IL1RAPL1: variants seen among roughly 807,000 people sequenced by gnomAD.
IL1RAPL1 encodes interleukin-1 receptor accessory protein-like 1.
IL1RAPL1 carries 3 observed loss-of-function variants against 48.4 expected under a neutral mutation model. The observed-to-expected ratio is 0.06, with a 90% CI of 0.03 to 0.16. The LOEUF is 0.16. IL1RAPL1 is among the 10% of genes least tolerant of loss of function. The pLI, the probability that IL1RAPL1 is intolerant of heterozygous loss-of-function variation, is 1.00. For missense variants in IL1RAPL1, 349 were observed against 530.6 expected, an observed-to-expected ratio of 0.66 and a Z score of 3.36; for synonymous variants, 185 against 187.7, an observed-to-expected ratio of 0.99 and a Z score of 0.12.
chrX:29,107,425 A>G (rs1365030149), intron 2 of IL1RAPL1, among the ~76,000 whole-genome samples: 2 of 112,310 alleles, frequency 1.8e-5, no homozygotes, highest in African/African-American at 3.2e-5. Context: ...TGATATCTGC[A>G]TTGAAAACAC....
intron 2 of IL1RAPL1, among the ~76,000 whole-genome samples, chrX:29,016,429 AAATT>A (rs1926241951): frequency 8.9e-6 from 1 of 111,741 alleles, no homozygotes; most frequent in Non-Finnish European, 1.9e-5. Flanking sequence ...AAAATATCAT[AAATT>A]AATATATATA....
At chrX:28,791,404 T>TA (rs1326126319) in intron 2 of IL1RAPL1, among the ~76,000 whole-genome samples, 1 of 111,875 alleles carries the variant, frequency 8.9e-6, no homozygotes, top group African/African-American at 3.3e-5. Context: ...GTCATTGTTG[T>TA]AAAAATTTTC....
chrX:29,333,398 G>A (rs1410138384), intron 3 of IL1RAPL1, among the ~76,000 whole-genome samples: 1 of 102,464 alleles, frequency 9.8e-6, no homozygotes, highest in African/African-American at 3.5e-5. Context: ...GGCTGGCCGG[G>A]CGGGGGGCTG....
chrX:28,656,748 C>T (rs1374074488), intron 1 of IL1RAPL1, among the ~76,000 whole-genome samples: 1 of 111,726 alleles, frequency 9.0e-6, no homozygotes, highest in Non-Finnish European at 1.9e-5. Flanking sequence ...ATTTTACGGC[C>T]GGGCGTGGTG....
intron 2 of IL1RAPL1, among the ~76,000 whole-genome samples, chrX:28,800,847 TTTTATTTATTTATTTATTTATTTA>T (rs201705177): frequency 1.1e-5 from 1 of 93,711 alleles, no homozygotes; most frequent in African/African-American, 4.0e-5. Flanking sequence ...ATTAAAGGGA[TTTTATTTATTTATTTATTTATTTA>T]TTTATTTATT....
At chrX:28,905,631 A>T (rs1451070749) in intron 2 of IL1RAPL1, among the ~76,000 whole-genome samples, 1 of 112,241 alleles carries the variant, frequency 8.9e-6, no homozygotes, top group East Asian at 2.8e-4. Context: ...CTACTAAAAT[A>T]TGTTGTTATA....
chrX:29,061,393 T>C (rs1399403841), intron 2 of IL1RAPL1, among the ~76,000 whole-genome samples: 1 of 112,105 alleles, frequency 8.9e-6, no homozygotes, highest in Non-Finnish European at 1.9e-5. Context: ...TTACAAGTCA[T>C]ATAGTGAAGG....
chrX:29,242,788 C>T lies in IL1RAPL1; in HGVS notation c.83-40150C>T, dbSNP rs1252506370. ...ATAATTTTCACCCCAGTCATTAAGC[C>T]AAGTCATATTTTTCCATTTTAGAAA... On this transcript the variant is annotated intron_variant, in intron 2 of 10. Transcript: ENST00000378993. Among the ~76,000 whole-genome samples, 11 of 112,051 alleles carry T rather than the reference C, an allele frequency of 9.8e-5. No homozygotes were observed. In the East Asian group the frequency reaches 3.1e-3, roughly 31 times the overall value.
chrX:29,174,021 A>C (rs529251800), intron 2 of IL1RAPL1, among the ~76,000 whole-genome samples: 3 of 110,372 alleles, frequency 2.7e-5, no homozygotes, highest in African/African-American at 9.9e-5. Context: ...CCTGGGTTCA[A>C]GGGATTCTCC....
At chrX:29,303,615 A>G (rs768282247) in intron 3 of IL1RAPL1, among the ~76,000 whole-genome samples, 1 of 111,954 alleles carries the variant, frequency 8.9e-6, no homozygotes, top group Non-Finnish European at 1.9e-5. Context: ...GGAAGTAAAC[A>G]TGAAAGAAGC....
intron 5 of IL1RAPL1, among the ~76,000 whole-genome samples, chrX:29,422,090 A>G (rs1934297560): frequency 9.0e-6 from 1 of 111,266 alleles, no homozygotes; most frequent in African/African-American, 3.3e-5. Flanking sequence ...GAGTGGAGAG[A>G]AGAGGAATTT....
chrX:29,353,575 G>A (rs1933262563), intron 3 of IL1RAPL1, among the ~76,000 whole-genome samples: 1 of 110,964 alleles, frequency 9.0e-6, no homozygotes, highest in Non-Finnish European at 1.9e-5. Context: ...AGAAACAATA[G>A]GGAAACAGGA....
rs182139151 is a variant in IL1RAPL1, at chrX:29,896,725, A to G, written c.779-20739A>G. On this transcript the variant is annotated intron_variant, in intron 6 of 10. Coordinates refer to ENST00000378993, the MANE Select transcript of IL1RAPL1 (RefSeq NM_014271.4). ...ACCACGGCAGTAAGAATGAGCACAC[A>G]TACCTCTGGCCCAGAAATCAGACAC... 2.7e-3 allele frequency among the ~76,000 whole-genome samples: 299 copies of G among 112,347 alleles called. 3 individuals carry two copies. Among genetic ancestry groups the G allele is most frequent in the African/African-American group, 9.5e-3 (292 of 30,899 alleles).
At chrX:29,751,568 C>A (rs893700614) in intron 6 of IL1RAPL1, among the ~76,000 whole-genome samples, 2 of 111,028 alleles carry the variant, frequency 1.8e-5, no homozygotes, top group Admixed American at 1.9e-4. Flanking sequence ...AAATATAATA[C>A]GTGTTCTCAA....
At chrX:29,499,703 C>T (rs1935252068) in intron 5 of IL1RAPL1, among the ~76,000 whole-genome samples, 2 of 111,688 alleles carry the variant, frequency 1.8e-5, no homozygotes, top group Admixed American at 1.9e-4. Flanking sequence ...TTTCTGTTTG[C>T]TTCCTCAAAG....
chrX:29,181,140 G>A (rs778644394), intron 2 of IL1RAPL1, among the ~76,000 whole-genome samples: 4 of 111,683 alleles, frequency 3.6e-5, no homozygotes, highest in Non-Finnish European at 5.6e-5. Context: ...ACCTGGAGGA[G>A]TTTACCTGGC....
At chrX:29,454,061 A>G (rs190612467) in intron 5 of IL1RAPL1, among the ~76,000 whole-genome samples, 12 of 112,270 alleles carry the variant, frequency 1.1e-4, no homozygotes, top group Admixed American at 8.5e-4. Context: ...GATATCTTCA[A>G]TGGACTATCC....
intron 9 of IL1RAPL1, among the ~76,000 whole-genome samples, chrX:29,953,110 G>A (rs1206779757): frequency 9.0e-6 from 1 of 111,721 alleles, no homozygotes; most frequent in Non-Finnish European, 1.9e-5. Context: ...TATCGTTGAT[G>A]TTTCATAGCC....
At chrX:29,739,093 A>T (rs191973456) in intron 6 of IL1RAPL1, among the ~76,000 whole-genome samples, 100 of 112,049 alleles carry the variant, frequency 8.9e-4, no homozygotes, top group Non-Finnish European at 1.5e-3. Context: ...TCCCCACTTC[A>T]TAGACCAGGG....
Sources: allele counts gnomAD v4.1 joint callset (sites outside exome capture counted in the v4.1 genomes callset), GRCh38; gene constraint gnomAD v4.1.1; transcripts MANE v1.5; gene names NCBI Gene and HGNC (gene_info 2026-07-23, HGNC 2026-07-21).